Variants in GABRB3 observed in about 807,000 individuals in gnomAD.
GABRB3 encodes gamma-aminobutyric acid receptor subunit beta-3.
Under a neutral mutation model 52.1 loss-of-function variants are expected in GABRB3, and 14 were observed. The ratio of observed to expected loss-of-function variants is 0.27; its 90% CI spans 0.18 to 0.42. The LOEUF is 0.42. GABRB3 is among the 10% of genes least tolerant of loss of function. The pLI is 1.00. For synonymous variants in GABRB3, 260 were observed against 232.3 expected (o/e 1.12, Z -1.08); for missense variants, 307 against 609.1 (o/e 0.50, Z 5.22).
chr15:26,616,282 A>G (rs1293749354), intron 4 of GABRB3, among the ~76,000 whole-genome samples: 1 of 152,184 alleles, frequency 6.6e-6, no homozygotes, highest in Non-Finnish European at 1.5e-5. Flanking sequence ...TGAAGTTTAT[A>G]TAGGATAGCA....
At chr15:26,593,371 T>C (rs975220233) in intron 4 of GABRB3, among the ~76,000 whole-genome samples, 7 of 152,204 alleles carry the variant, frequency 4.6e-5, no homozygotes, top group African/African-American at 1.7e-4. Context: ...TATAATTCAG[T>C]GCATTCACAT....
chr15:26,732,400 A>G (rs1368729632), intron 3 of GABRB3, among the ~76,000 whole-genome samples: 1 of 152,148 alleles, frequency 6.6e-6, no homozygotes, highest in Non-Finnish European at 1.5e-5. Context: ...ACTTCTTCTT[A>G]CAGTCCAATT....
chr15:26,670,347 A>C (rs865985627), intron 3 of GABRB3, among the ~76,000 whole-genome samples: 27 of 152,066 alleles, frequency 1.8e-4, no homozygotes, highest in African/African-American at 5.8e-4. Context: ...CACTGGACAG[A>C]CCCGGTCCAG....
intron 3 of GABRB3, among the ~76,000 whole-genome samples, chr15:26,696,292 T>C (rs998724753): frequency 6.6e-6 from 1 of 152,212 alleles, no homozygotes; most frequent in Non-Finnish European, 1.5e-5. Context: ...TGACTAGGCA[T>C]GGTGTTTAGC....
chr15:26,606,773 G>GATAGATATATCT (rs1555370495), intron 4 of GABRB3, among the ~76,000 whole-genome samples: 2 of 53,080 alleles, frequency 3.8e-5, no homozygotes, highest in African/African-American at 1.0e-4. Flanking sequence ...TCTATCTATA[G>GATAGATATATCT]ATAGATAGAT....
At chr15:26,624,184 A>C in intron 3 of GABRB3, 8 of 985,182 alleles carry the variant, frequency 8.1e-6, no homozygotes, top group Non-Finnish European at 9.6e-6. Flanking sequence ...CACAGGGCAT[A>C]TTCCGCCCCT....
chr15:26,625,518 T>C (rs1892656498), intron 3 of GABRB3: 10 of 984,428 alleles, frequency 1.0e-5, no homozygotes, highest in Non-Finnish European at 1.1e-5. Context: ...TGTCAGAGTT[T>C]TGAATTCCAA....
At chr15:26,567,536 A>C (rs1290157063) in intron 7 of GABRB3, 45 bp downstream of exon 7, 1 of 1,586,134 alleles carries the variant, frequency 6.3e-7, no homozygotes, top group Non-Finnish European at 8.6e-7. Flanking sequence ...TACTGTAATG[A>C]TACGGTTACT....
chr15:26,629,548 A>C (rs1892852523), intron 3 of GABRB3, among the ~76,000 whole-genome samples: 1 of 152,158 alleles, frequency 6.6e-6, no homozygotes. Flanking sequence ...GCTTGCAAAA[A>C]TAGCAGCTTC....
At chr15:26,558,950 C>T (rs577981502) in intron 8 of GABRB3, among the ~76,000 whole-genome samples, 1 of 152,254 alleles carries the variant, frequency 6.6e-6, no homozygotes, top group South Asian at 2.1e-4. Context: ...GGTGCTGGCA[C>T]CTCTTGGCTT....
chr15:26,558,515 C>G (rs1479098133), intron 8 of GABRB3, among the ~76,000 whole-genome samples: 1 of 152,194 alleles, frequency 6.6e-6, no homozygotes, highest in African/African-American at 2.4e-5. Context: ...ATCTGTGTCC[C>G]TGCCCAAATC....
At chr15:26,757,437 TG>T (rs1890694439) in intron 3 of GABRB3, among the ~76,000 whole-genome samples, 1 of 152,248 alleles carries the variant, frequency 6.6e-6, no homozygotes. Context: ...AACTTTAATG[TG>T]GCCTTGAGGA....
intron 8 of GABRB3, among the ~76,000 whole-genome samples, chr15:26,552,357 G>A (rs1023983339): frequency 2.0e-5 from 3 of 152,184 alleles, no homozygotes; most frequent in Non-Finnish European, 4.4e-5. Flanking sequence ...ATGATTAGCA[G>A]CAAAACTCTT....
intron 3 of GABRB3, among the ~76,000 whole-genome samples, chr15:26,763,306 C>T (rs537166336): frequency 1.3e-5 from 2 of 152,146 alleles, no homozygotes; most frequent in Admixed American, 6.5e-5. Context: ...TTTAAAGTTA[C>T]GGTTAATTTT....
chr15:26,720,650 C>G (rs12592816), intron 3 of GABRB3, among the ~76,000 whole-genome samples: 23,690 of 152,136 alleles, frequency 0.16, 2,110 homozygotes, highest in East Asian at 0.31. Context: ...GTTTCTGATT[C>G]ATGAGCTGTT....
chr15:26,637,063 G>A (rs1893081517), intron 3 of GABRB3, among the ~76,000 whole-genome samples: 3 of 152,162 alleles, frequency 2.0e-5, no homozygotes, highest in Non-Finnish European at 4.4e-5. Context: ...AAACCCTACA[G>A]TGGCTCCCTG....
Position 26,547,937 on chromosome 15 carries a change from G to A in GABRB3, c.1278C>T (p.Thr426=). 1.2e-6 allele frequency: 2 copies of A among 1,614,152 alleles called. No individual in the cohort carries two copies. The change falls in exon 9 of 9, where the codon ACC becomes ACT. Residue 426 remains threonine (T), a synonymous_variant. Transcript: ENST00000311550. ...LGDRSLPHKK[T]HLRRRSSQLK... ...GCTGTGAAGACCTCCTCCGTAGATG[G>A]GTCTTCTTGTGCGGGAGGCTTCTGT...
rs1333392441 is a variant in GABRB3, at chr15:26,735,673, G to C, written c.240+36729C>G. Among the ~76,000 whole-genome samples, 6 of 152,286 alleles carry C rather than the reference G, an allele frequency of 3.9e-5. No homozygotes were observed. The East Asian group carries it at 9.7e-4, about 25-fold the overall frequency. On this transcript the variant is annotated intron_variant, in intron 3 of 8. Transcript: ENST00000311550. ...AAGTGAAAGAAGCCAGTCATGCTAG[G>C]CCCAGTGGCTCATGTCTGTAACCCC... is the stretch of plus-strand genomic sequence containing the variant.
At chr15:26,761,798 T>G (rs1445263180) in intron 3 of GABRB3, among the ~76,000 whole-genome samples, 1 of 152,110 alleles carries the variant, frequency 6.6e-6, no homozygotes, top group Non-Finnish European at 1.5e-5. Context: ...CCTCTTGCAC[T>G]TTCTCCTCTT....
Sources: allele counts gnomAD v4.1 joint callset (sites outside exome capture counted in the v4.1 genomes callset), GRCh38; gene constraint gnomAD v4.1.1; transcripts MANE v1.5; gene names NCBI Gene and HGNC (gene_info 2026-07-23, HGNC 2026-07-21).